The following DNAH11 variants were observed in gnomAD, a reference collection of about 807,000 sequenced individuals.
DNAH11 encodes the protein dynein axonemal heavy chain 11.
Under a neutral mutation model 526.0 loss-of-function variants are expected in DNAH11, and 442 were observed. That is an observed-to-expected ratio of 0.84 (90% CI 0.78 to 0.91). DNAH11 has a LOEUF of 0.91. Ranked by LOEUF, DNAH11 falls within the 40% of genes least tolerant of loss-of-function variation. The probability of loss-of-function intolerance (pLI) is 0.00; values close to 1 mark genes in which losing one functional copy is unlikely to be tolerated. For missense variants in DNAH11, 6,989 were observed against 5,448.7 expected (o/e 1.28, Z -8.90); for synonymous variants, 2,461 against 1,935.9 (o/e 1.27, Z -7.12).
chr7:21,714,395 T>C (rs1217160145), intron 42 of DNAH11, among the ~76,000 whole-genome samples: 1 of 152,198 alleles, frequency 6.6e-6, no homozygotes, highest in Non-Finnish European at 1.5e-5. Context: ...CGTTTTTGTA[T>C]TTTCACCTCC....
chr7:21,589,259 G>T lies in DNAH11; in HGVS notation c.2025G>T (p.Met675Ile). 1.9e-6 allele frequency: 3 copies of T among 1,610,184 alleles called. No individual in the cohort carries two copies. In the South Asian group the frequency reaches 3.3e-5, roughly 18 times the overall value. ...TAGTTTATCAAAAGTATGTTGAAAT[G>T]ACCACTTTGCTTGATCAATTTGAAA... Reference protein sequence around the residue: ...HALVYQKYVEMTTLLDQFESR... With the variant: ...HALVYQKYVEITTLLDQFESR... Residue 675 changes from methionine to isoleucine, a missense_variant, in exon 12 of 82, where the codon ATG becomes ATT. Coordinates refer to ENST00000409508, the MANE Select transcript of DNAH11 (RefSeq NM_001277115.2).
intron 65 of DNAH11, among the ~76,000 whole-genome samples, chr7:21,824,890 G>A (rs1438872704): frequency 6.6e-6 from 1 of 152,006 alleles, no homozygotes; most frequent in Non-Finnish European, 1.5e-5. Context: ...TATTGTTTTT[G>A]AAACAGAGTC....
intron 55 of DNAH11, among the ~76,000 whole-genome samples, chr7:21,765,848 C>G (rs1468706663): frequency 6.6e-6 from 1 of 152,216 alleles, no homozygotes; most frequent in Non-Finnish European, 1.5e-5. Context: ...GCACACAGCA[C>G]TTGAGTATGT....
intron 65 of DNAH11, among the ~76,000 whole-genome samples, chr7:21,834,094 T>C (rs758814486): frequency 2.6e-4 from 39 of 152,224 alleles, no homozygotes; most frequent in Non-Finnish European, 4.0e-4. Flanking sequence ...ATAGGACATA[T>C]GTTATGCCAC....
chr7:21,767,517 G>A (rs1358606349), intron 55 of DNAH11, among the ~76,000 whole-genome samples: 1 of 152,180 alleles, frequency 6.6e-6, no homozygotes, highest in Non-Finnish European at 1.5e-5. Flanking sequence ...CCTGTCAGGT[G>A]CTAAGCTGGA....
intron 7 of DNAH11, chr7:21,570,526 T>G: frequency 5.1e-6 from 2 of 394,810 alleles, no homozygotes; most frequent in Non-Finnish European, 8.9e-6. Context: ...ATTATTACAT[T>G]GAGTATAAGT....
At chr7:21,657,591 G>C (rs1014482880) in intron 29 of DNAH11, among the ~76,000 whole-genome samples, 2 of 152,148 alleles carry the variant, frequency 1.3e-5, no homozygotes, top group Admixed American at 1.3e-4. Context: ...ATGGATCCCA[G>C]GGTATCCAGG....
rs1235528570 is a variant in DNAH11, at chr7:21,685,111, T to G, written c.5621+1167T>G. On this transcript the variant is annotated intron_variant, in intron 32 of 81. Transcript: ENST00000409508. ...GTGTATTGTATAGTTTCTATAATTA[T>G]GTCTAATTCAGTTCTTCTAACTTGT... Among the ~76,000 whole-genome samples, 4 of 152,352 alleles carry G rather than the reference T, an allele frequency of 2.6e-5. No homozygotes were observed. In the South Asian group the frequency reaches 6.2e-4, roughly 24 times the overall value.
chr7:21,655,958 G>T lies in DNAH11; in HGVS notation c.5071G>T (p.Ala1691Ser). The T allele has an allele frequency of 6.2e-7, 1 of 1,607,314 alleles. No individual in the cohort carries two copies. The highest frequency in any genetic ancestry group is 8.5e-7 in the Non-Finnish European group (1 of 1,176,134). The change falls in exon 29 of 82, where the codon GCC becomes TCC. Residue 1691 changes from alanine (A) to serine (S), a missense_variant. Ala to Ser is a moderately conservative substitution (Grantham distance 99). Transcript: ENST00000409508. Reference protein sequence around the residue: ...SKEKEYVPFQAECECVGHVET... With the variant: ...SKEKEYVPFQSECECVGHVET... ...AGAAAAGGAGTATGTCCCATTCCAA[G>T]CCGAGTGTGAATGTGTGGGCCATGT...
intron 66 of DNAH11, among the ~76,000 whole-genome samples, chr7:21,845,086 T>TA (rs1782366263): frequency 6.6e-6 from 1 of 152,142 alleles, no homozygotes; most frequent in Non-Finnish European, 1.5e-5. Flanking sequence ...TATGTTAGCA[T>TA]AAAAAAGTTG....
intron 66 of DNAH11, among the ~76,000 whole-genome samples, chr7:21,845,544 C>A (rs1782386139): frequency 6.6e-6 from 1 of 151,964 alleles, no homozygotes; most frequent in Non-Finnish European, 1.5e-5. Flanking sequence ...TCAGTTGGAT[C>A]TATTCATATT....
intron 61 of DNAH11, among the ~76,000 whole-genome samples, chr7:21,798,888 C>T (rs1205969381): frequency 6.6e-6 from 1 of 151,936 alleles, no homozygotes; most frequent in Non-Finnish European, 1.5e-5. Context: ...TAAAATTATG[C>T]TAATACATGG....
chr7:21,641,864 C>T (rs1787146125), intron 28 of DNAH11, among the ~76,000 whole-genome samples: 1 of 152,088 alleles, frequency 6.6e-6, no homozygotes, highest in South Asian at 2.1e-4. Flanking sequence ...CAGTACTAGT[C>T]CCCCTCCTTA....
chr7:21,544,990 C>A lies in DNAH11; in HGVS notation c.352-16C>A. The A allele has an allele frequency of 6.4e-7, 1 of 1,560,350 alleles. No homozygotes were observed. The highest frequency in any genetic ancestry group is 1.2e-5 in the South Asian group (1 of 83,110). ...CAAGAAAACTACTTGAACTAATTAT[C>A]TTGCTCTTGTTTTAGATTCCAAGAG... is the stretch of plus-strand genomic sequence containing the variant. On this transcript the variant is annotated splice_polypyrimidine_tract_variant and intron_variant, in intron 1 of 81. Coordinates refer to ENST00000409508, the MANE Select transcript of DNAH11 (RefSeq NM_001277115.2).
chr7:21,682,753 C>A (rs1181680367), intron 31 of DNAH11, among the ~76,000 whole-genome samples: 1 of 151,932 alleles, frequency 6.6e-6, no homozygotes, highest in Non-Finnish European at 1.5e-5. Context: ...GTGTTTTTTT[C>A]TGGGTTTTTT....
intron 51 of DNAH11, among the ~76,000 whole-genome samples, chr7:21,747,838 T>C (rs1425096901): frequency 6.6e-6 from 1 of 152,220 alleles, no homozygotes; most frequent in African/African-American, 2.4e-5. Flanking sequence ...ATCCATTCTT[T>C]CCAAAATAAT....
rs550333346 is a variant in DNAH11, at chr7:21,634,211, G to C, written c.4501-1660G>C. ...TGCAAAGGTGAAACACCAGACCACA[G>C]CTCAACACAGAGGTTCAGCCAAGAG... On this transcript the variant is annotated intron_variant, in intron 25 of 81. Coordinates refer to ENST00000409508, the MANE Select transcript of DNAH11 (RefSeq NM_001277115.2). Among the ~76,000 whole-genome samples, 97 of 152,212 alleles carry C rather than the reference G, an allele frequency of 6.4e-4. 1 individual carries two copies. The highest frequency in any genetic ancestry group is 6.3e-4 in the Non-Finnish European group (43 of 68,020).
intron 36 of DNAH11, 129 bp downstream of exon 36, chr7:21,698,342 C>A: frequency 7.6e-7 from 1 of 1,324,310 alleles, no homozygotes. Context: ...TAAAAAAATT[C>A]AATAGTTTGG....
At chr7:21,746,829 A>T (rs2965357) in intron 51 of DNAH11, among the ~76,000 whole-genome samples, 1 of 151,900 alleles carries the variant, frequency 6.6e-6, no homozygotes, top group African/African-American at 2.4e-5. Context: ...ATCTAAAACC[A>T]TGGTGTTAAA....
Sources: allele counts gnomAD v4.1 joint callset (sites outside exome capture counted in the v4.1 genomes callset), GRCh38; gene constraint gnomAD v4.1.1; transcripts MANE v1.5; gene names NCBI Gene and HGNC (gene_info 2026-07-23, HGNC 2026-07-21).